F10: variants seen among roughly 807,000 people sequenced by gnomAD.
F10 encodes the protein Stuart-Prower factor.
Under a neutral mutation model 37.1 loss-of-function variants are expected in F10, and 29 were observed. That is an observed-to-expected ratio of 0.78 (90% CI 0.58 to 1.07). The LOEUF is 1.07. F10 is among the 50% of genes least tolerant of loss of function. The pLI, the probability that F10 is intolerant of heterozygous loss-of-function variation, is 0.00. For missense variants in F10, 539 were observed against 667.9 expected (o/e 0.81, Z 2.13); for synonymous variants, 262 against 268.6 (o/e 0.98, Z 0.24).
chr13:113,142,394 A>AC (rs2036539384), intron 5 of F10, among the ~76,000 whole-genome samples: 1 of 150,794 alleles, frequency 6.6e-6, no homozygotes, highest in African/African-American at 2.4e-5. Flanking sequence ...ACAAAAAAAA[A>AC]AAAAAATTAG....
rs549797751 is a variant in F10, at chr13:113,142,337, C to T, written c.502+1287C>T. On this transcript the variant is annotated intron_variant, in intron 5 of 7. Transcript: ENST00000375559. ...CGGGCGGATCATGAGGTCAGGAGAT[C>T]GAGACCATCCTGGCCAACACAGTGA... is the stretch of plus-strand genomic sequence containing the variant. 4.0e-4 allele frequency among the ~76,000 whole-genome samples: 60 copies of T among 151,020 alleles called. No homozygotes were observed. The East Asian group carries it at 0.011, about 28-fold the overall frequency.
At chr13:113,136,484 G>C (rs2036479208) in intron 2 of F10, among the ~76,000 whole-genome samples, 1 of 149,124 alleles carries the variant, frequency 6.7e-6, no homozygotes, top group Non-Finnish European at 1.5e-5. Context: ...TTTTGAGACA[G>C]AGTCTTCCCG....
At chr13:113,145,021 G>C (rs1489754602) in intron 6 of F10, among the ~76,000 whole-genome samples, 1 of 152,166 alleles carries the variant, frequency 6.6e-6, no homozygotes, top group African/African-American at 2.4e-5. Flanking sequence ...TGGGACTACA[G>C]GCGCCTGCCA....
Position 113,148,345 on chromosome 13 carries a change from A to AATATATATATATATAT in F10, c.866-568_866-553dup, listed in dbSNP as rs1555396300. Among the ~76,000 whole-genome samples the AATATATATATATATAT allele has an allele frequency of 2.1e-4, 20 of 95,410 alleles. 1 individual carries two copies. In the East Asian group the frequency reaches 6.4e-3, roughly 31 times the overall value. The allele number at this position is 95,410 out of a possible 152,430, so 62.6% of individuals were successfully genotyped here. A position where few individuals can be genotyped will look rare whatever the true frequency, so the allele number is the denominator to read the frequency against. ...AACTCTGTCTCAAAAAAAAAAAAAA[A>AATATATATATATATAT]ATATATATATATATATATGTATATA... On this transcript the variant is annotated intron_variant, in intron 7 of 7. Transcript: ENST00000375559.
chr13:113,135,789 AC>A (rs2036473745), intron 2 of F10, among the ~76,000 whole-genome samples: 1 of 152,178 alleles, frequency 6.6e-6, no homozygotes, highest in African/African-American at 2.4e-5. Context: ...AAACTATAAA[AC>A]TTTTAGGAGA....
rs373102818 is a variant in F10 at position 113,144,144 on chromosome 13, G to T, written c.747+49G>T. 5 of 1,610,892 alleles carry T rather than the reference G, an allele frequency of 3.1e-6. No individual in the cohort carries two copies. The Admixed American group carries it at 5.0e-5, about 16-fold the overall frequency. On this transcript the variant is annotated intron_variant, in intron 6 of 7. Transcript: ENST00000375559. This position sits in a 1 kb window ranked among gnomAD's most constrained non-coding sequence, Gnocchi z 6.4. ...GCCTGCTGGAGAGACCACCTGTCCCGCTGTGCACCTCGGGGAGGCCAGCCT... is the reference window on the plus strand; with the variant it reads ...GCCTGCTGGAGAGACCACCTGTCCCTCTGTGCACCTCGGGGAGGCCAGCCT...
At chr13:113,133,734 C>T (rs941946917) in intron 2 of F10, among the ~76,000 whole-genome samples, 7 of 152,118 alleles carry the variant, frequency 4.6e-5, no homozygotes, top group Admixed American at 6.5e-5. Flanking sequence ...AACCACCCTA[C>T]GTAACAATAT....
chr13:113,123,232 G>C (rs1360553112), intron 1 of F10, among the ~76,000 whole-genome samples: 1 of 152,176 alleles, frequency 6.6e-6, no homozygotes, highest in Non-Finnish European at 1.5e-5. Context: ...GAGGCCAAGA[G>C]GCAGAGACAG....
At chr13:113,127,400 A>G (rs1954081976) in intron 1 of F10, among the ~76,000 whole-genome samples, 2 of 152,206 alleles carry the variant, frequency 1.3e-5, no homozygotes, top group African/African-American at 4.8e-5. Flanking sequence ...TCTTTATTGT[A>G]GTGAGACATT....
At position 113,122,871 on chromosome 13, in the gene F10, C is replaced by T; in HGVS notation, c.16C>T (p.His6Tyr). 1.2e-6 allele frequency: 2 copies of T among 1,610,774 alleles called. No individual in the cohort carries two copies. The highest frequency in any genetic ancestry group is 1.1e-5 in the South Asian group (1 of 91,084). MGRPL[H>Y]LVLLSASLAG... is the part of the protein sequence containing the mutation. ...CGGCCACACCATGGGGCGCCCACTGCACCTCGTCCTGCTCAGTGCCTCCCT... is the reference window on the plus strand; with the variant it reads ...CGGCCACACCATGGGGCGCCCACTGTACCTCGTCCTGCTCAGTGCCTCCCT... Residue 6 changes from histidine to tyrosine, a missense_variant, in exon 1 of 8, where the codon CAC (histidine) becomes TAC (tyrosine). Physicochemically the swap from His to Tyr is moderately conservative, Grantham distance 83 (BLOSUM62 2). Transcript: ENST00000375559.
At chr13:113,137,949 G>A (rs1225483982) in intron 2 of F10, among the ~76,000 whole-genome samples, 2 of 152,188 alleles carry the variant, frequency 1.3e-5, no homozygotes, top group Non-Finnish European at 2.9e-5. Context: ...TTAGCAGGGA[G>A]GGCACTATTC....
chr13:113,131,286 T>G (rs1354933747), intron 2 of F10: 1 of 152,168 alleles, frequency 6.6e-6, no homozygotes, highest in Non-Finnish European at 1.5e-5. Context: ...TGGATGCCAG[T>G]TAAGGAATAA....
rs533705759 is a variant in F10, at chr13:113,141,875, C to T, written c.502+825C>T. ...GCCCGCCTTTTCAAGAGCCTGGTGA[C>T]CCAGCTCACCTTCCGGCTTCAGGTG... On this transcript the variant is annotated intron_variant, in intron 5 of 7. Transcript: ENST00000375559. This position sits in a 1 kb window ranked among gnomAD's most constrained non-coding sequence, Gnocchi z 5.4. Among the ~76,000 whole-genome samples the T allele has an allele frequency of 2.0e-5, 3 of 152,236 alleles. No homozygotes were observed. The highest frequency in any genetic ancestry group is 1.3e-4 in the Admixed American group (2 of 15,292).
At chr13:113,148,345 A>ATAT (rs1555396301) in intron 7 of F10, among the ~76,000 whole-genome samples, 46 of 95,412 alleles carry the variant, frequency 4.8e-4, no homozygotes, top group Middle Eastern at 5.0e-3. Flanking sequence ...AAAAAAAAAA[A>ATAT]ATATATATAT....
chr13:113,122,960 C>A (rs541896513), intron 1 of F10, 35 bp downstream of exon 1: 19 of 1,603,444 alleles, frequency 1.2e-5, no homozygotes, highest in Non-Finnish European at 1.6e-5. Flanking sequence ...CCAAAAGCAG[C>A]GCCAGGGAGC....
chr13:113,134,958 C>T (rs949558948), intron 2 of F10, among the ~76,000 whole-genome samples: 8 of 151,964 alleles, frequency 5.3e-5, no homozygotes, highest in Admixed American at 1.3e-4. Flanking sequence ...TATCAATTTT[C>T]GGCCGGGCGC....
chr13:113,126,143 C>T (rs373521852), intron 1 of F10, among the ~76,000 whole-genome samples: 47 of 152,116 alleles, frequency 3.1e-4, no homozygotes, highest in African/African-American at 1.1e-3. Context: ...GTGGTGAGGC[C>T]TGGGAGGCCT....
chr13:113,148,172 A>C (rs2036599318), intron 7 of F10, among the ~76,000 whole-genome samples: 1 of 151,776 alleles, frequency 6.6e-6, no homozygotes, highest in Non-Finnish European at 1.5e-5. Flanking sequence ...TCTACTAAAA[A>C]ATACAAAAAT....
intron 2 of F10, among the ~76,000 whole-genome samples, chr13:113,135,097 G>C (rs926233086): frequency 6.6e-6 from 1 of 151,984 alleles, no homozygotes; most frequent in Non-Finnish European, 1.5e-5. Flanking sequence ...ACAAAAATTA[G>C]CTGGGCGTGG....
Sources: allele counts gnomAD v4.1 joint callset (sites outside exome capture counted in the v4.1 genomes callset), GRCh38; gene constraint gnomAD v4.1.1; non-coding constraint Gnocchi (gnomAD v3.1); transcripts MANE v1.5; gene names NCBI Gene and HGNC (gene_info 2026-07-23, HGNC 2026-07-21).